Variants in ANGPT1 observed in about 807,000 individuals in gnomAD.
The protein encoded by ANGPT1 is angiopoietin-1.
ANGPT1 carries 17 observed loss-of-function variants against 62.2 expected under a neutral mutation model. The ratio of observed to expected loss-of-function variants is 0.27; its 90% confidence interval spans 0.19 to 0.41. The LOEUF (loss-of-function observed/expected upper bound fraction) is 0.41, where lower values mean the gene tolerates loss of function less well. Among genes scored for constraint, ANGPT1 ranks in the 10% least tolerant of loss-of-function variants. The pLI is 1.00. For synonymous variants in ANGPT1, 199 were observed against 198.9 expected (o/e 1.00, Z 0.00); for missense variants, 478 against 594.9 (o/e 0.80, Z 2.04).
At chr8:107,347,208 G>GC (rs1815825576) in intron 1 of ANGPT1, 111 bp from the exon 2 acceptor site, 2 of 1,108,492 alleles carry the variant, frequency 1.8e-6, no homozygotes, top group African/African-American at 3.1e-5. Context: ...CAGCCATCTG[G>GC]CGGGGATCCT....
chr8:107,356,536 T>C (rs1480716072), intron 1 of ANGPT1, among the ~76,000 whole-genome samples: 1 of 152,162 alleles, frequency 6.6e-6, no homozygotes, highest in Non-Finnish European at 1.5e-5. Flanking sequence ...ATACATTTCT[T>C]TTGTCTCCTT....
At chr8:107,443,062 T>C (rs540935109) in intron 1 of ANGPT1, among the ~76,000 whole-genome samples, 8 of 152,334 alleles carry the variant, frequency 5.3e-5, no homozygotes, top group Non-Finnish European at 1.0e-4. Context: ...TCAGTGTAAC[T>C]GATAACTTTG....
At chr8:107,429,406 G>A (rs1331318265) in intron 1 of ANGPT1, among the ~76,000 whole-genome samples, 1 of 152,166 alleles carries the variant, frequency 6.6e-6, no homozygotes, top group Non-Finnish European at 1.5e-5. Flanking sequence ...CATCCTTAAT[G>A]ATCAAACCCC....
At chr8:107,285,591 A>T (rs1249807197) in intron 6 of ANGPT1, among the ~76,000 whole-genome samples, 2 of 152,094 alleles carry the variant, frequency 1.3e-5, no homozygotes, top group Non-Finnish European at 2.9e-5. Context: ...TGTCAACATG[A>T]CTTTATTGTT....
intron 6 of ANGPT1, among the ~76,000 whole-genome samples, chr8:107,287,886 C>T (rs377441492): frequency 4.6e-5 from 7 of 152,148 alleles, no homozygotes; most frequent in East Asian, 3.9e-4. Flanking sequence ...ATAATATAAC[C>T]GAAGCACTTA....
chr8:107,377,325 G>C (rs1004469133), intron 1 of ANGPT1, among the ~76,000 whole-genome samples: 3 of 152,106 alleles, frequency 2.0e-5, no homozygotes, highest in Non-Finnish European at 4.4e-5. Flanking sequence ...TGAACAGGCC[G>C]AATTTCCTCC....
intron 1 of ANGPT1, among the ~76,000 whole-genome samples, chr8:107,435,322 TA>T (rs1280496781): frequency 1.3e-5 from 2 of 152,234 alleles, no homozygotes. Flanking sequence ...TTAAATCTGC[TA>T]AATGAGACAG....
At chr8:107,406,865 T>C (rs907913845) in intron 1 of ANGPT1, among the ~76,000 whole-genome samples, 2 of 139,670 alleles carry the variant, frequency 1.4e-5, no homozygotes, top group Non-Finnish European at 3.1e-5. Flanking sequence ...TACAAAGAAG[T>C]CCTTCTACCA....
intron 1 of ANGPT1, among the ~76,000 whole-genome samples, chr8:107,363,454 G>GTGAGAAGCAGCACA (rs1055547259): frequency 6.6e-5 from 10 of 152,070 alleles, no homozygotes; most frequent in Admixed American, 6.5e-4. Flanking sequence ...TTATATTTAC[G>GTGAGAAGCAGCACA]TGAGAAGCAG....
At chr8:107,288,582 T>C (rs1398251397) in intron 6 of ANGPT1, among the ~76,000 whole-genome samples, 1 of 152,126 alleles carries the variant, frequency 6.6e-6, no homozygotes, top group Admixed American at 6.6e-5. Context: ...GGGAGAGCTA[T>C]ACATGTAAAA....
chr8:107,262,323 T>C (rs1296727168), intron 8 of ANGPT1, among the ~76,000 whole-genome samples: 1 of 152,170 alleles, frequency 6.6e-6, no homozygotes, highest in Non-Finnish European at 1.5e-5. Flanking sequence ...ATTTCAAGAG[T>C]TAAAAGATGG....
intron 8 of ANGPT1, among the ~76,000 whole-genome samples, chr8:107,259,109 A>G (rs1813435060): frequency 6.6e-6 from 1 of 152,176 alleles, no homozygotes; most frequent in African/African-American, 2.4e-5. Flanking sequence ...GTTGAAATAA[A>G]AGTAGTGCAA....
intron 1 of ANGPT1, among the ~76,000 whole-genome samples, chr8:107,389,801 T>A (rs1023685309): frequency 1.3e-5 from 2 of 152,172 alleles, no homozygotes; most frequent in African/African-American, 2.4e-5. Flanking sequence ...AACAGCGTTT[T>A]AGAAAATAGT....
At chr8:107,365,787 G>T (rs1396450025) in intron 1 of ANGPT1, among the ~76,000 whole-genome samples, 2 of 150,960 alleles carry the variant, frequency 1.3e-5, no homozygotes, top group Non-Finnish European at 2.9e-5. Context: ...TAAAGTAGTG[G>T]TTTTCTCATT....
At chr8:107,388,206 C>A (rs1405620050) in intron 1 of ANGPT1, among the ~76,000 whole-genome samples, 2 of 151,996 alleles carry the variant, frequency 1.3e-5, no homozygotes, top group African/African-American at 4.8e-5. Context: ...AAATATTATA[C>A]AGTATATCTG....
chr8:107,282,947 C>A (rs1814051661), intron 7 of ANGPT1, among the ~76,000 whole-genome samples: 1 of 151,876 alleles, frequency 6.6e-6, no homozygotes, highest in South Asian at 2.1e-4. Flanking sequence ...CCTAACCCTG[C>A]CCCAACACTC....
chr8:107,453,860 T>TA (rs71562146), intron 1 of ANGPT1, among the ~76,000 whole-genome samples: 68,216 of 147,948 alleles, frequency 0.46, 16,392 homozygotes, highest in East Asian at 0.75. Flanking sequence ...TGCTGAGATT[T>TA]AAAAAAAAAA....
At chr8:107,322,345 G>A (rs1312992128) in intron 3 of ANGPT1, among the ~76,000 whole-genome samples, 9 of 152,092 alleles carry the variant, frequency 5.9e-5, no homozygotes, top group Non-Finnish European at 2.9e-5. Flanking sequence ...TATTGTCAGA[G>A]TAATGTTTGC....
chr8:107,464,266 G>T (rs1009485576), intron 1 of ANGPT1, among the ~76,000 whole-genome samples: 28 of 152,048 alleles, frequency 1.8e-4, no homozygotes, highest in African/African-American at 6.8e-4. Flanking sequence ...ATGGTCAAGG[G>T]TTAAAAACTA....
Sources: allele counts gnomAD v4.1 joint callset (sites outside exome capture counted in the v4.1 genomes callset), GRCh38; gene constraint gnomAD v4.1.1; transcripts MANE v1.5; gene names NCBI Gene and HGNC (gene_info 2026-07-23, HGNC 2026-07-21).